The following XPO5 variants were observed in gnomAD, a reference collection of about 807,000 sequenced individuals.
The protein encoded by XPO5 is exportin-5.
XPO5 carries 46 observed loss-of-function variants against 160.6 expected under a neutral mutation model. That is an observed-to-expected ratio of 0.29 (90% CI 0.23 to 0.37). XPO5 has a LOEUF of 0.37. Among genes scored for constraint, XPO5 ranks in the 10% least tolerant of loss-of-function variants. XPO5 has a pLI of 1.00. For missense variants in XPO5, 1,090 were observed against 1,463.9 expected (o/e 0.74, Z 4.17); for synonymous variants, 537 against 519.3 (o/e 1.03, Z -0.46).
intron 20 of XPO5, among the ~76,000 whole-genome samples, chr6:43,535,808 CAT>C (rs1794279298): frequency 8.3e-6 from 1 of 120,068 alleles, no homozygotes; most frequent in Non-Finnish European, 1.6e-5. Flanking sequence ...AGCGAGACTC[CAT>C]CTCAAAAAAA....
intron 10 of XPO5, 34 bp downstream of exon 10, chr6:43,560,890 T>A (rs1369155604): frequency 6.4e-7 from 1 of 1,560,446 alleles, no homozygotes. Context: ...TTCACCTAAC[T>A]AAACTTTTGA....
At chr6:43,574,903 T>C (rs1040437400) in intron 1 of XPO5, among the ~76,000 whole-genome samples, 13 of 152,218 alleles carry the variant, frequency 8.5e-5, no homozygotes, top group African/African-American at 3.1e-4. Flanking sequence ...TTGTAACATT[T>C]CCTCCAAGTG....
Position 43,549,650 on chromosome 6 carries a change from A to AAT in XPO5, c.1771-74_1771-73dup. 5 of 1,522,474 alleles carry AAT rather than the reference A, an allele frequency of 3.3e-6. No homozygotes were observed. The South Asian group carries it at 4.9e-5, about 15-fold the overall frequency. The allele number at this position is 1,522,474 out of a possible 1,614,324, so 94.3% of individuals were successfully genotyped here. ...TACAGGTGCTGCATAGACTCATGTG[A>AAT]ATATCTCAGTCAGGGGCAAATTCAC... On this transcript the variant is annotated intron_variant, in intron 16 of 31. Transcript: ENST00000265351.
rs1368479331 is a variant in XPO5, at chr6:43,570,616, T to C, written c.507A>G (p.Thr169=). The C allele has an allele frequency of 1.2e-6, 2 of 1,613,810 alleles. No homozygotes were observed. The highest frequency in any genetic ancestry group is 1.3e-5 in the African/African-American group (1 of 74,928). ...TGTCCCTTCTTCTTTGAGGGGGAAG[T>C]GTCTGAAAAGTCACTACATCCTCTG... The part of the protein sequence containing the change: ...RLAEDVVTFQ[T]LPPQRRRDIQ... Residue 169 remains threonine, a synonymous_variant, in exon 5 of 32, where the codon ACA becomes ACG. Transcript: ENST00000265351.
chr6:43,526,525 G>A (rs1793601686), intron 27 of XPO5, 160 bp downstream of exon 27: 1 of 726,962 alleles, frequency 1.4e-6, no homozygotes, highest in Non-Finnish European at 2.4e-6. Flanking sequence ...TTGGAGGTGG[G>A]AGTATGATGG....
Position 43,522,627 on chromosome 6 carries a change from T to A in XPO5, c.*1241A>T. The A allele has an allele frequency of 2.5e-6, 1 of 407,548 alleles. No homozygotes were observed. Among genetic ancestry groups the A allele is most frequent in the Non-Finnish European group, 5.4e-6 (1 of 184,926 alleles). The allele number at this position is 407,548 out of a possible 1,614,324, so 25.2% of individuals were successfully genotyped here. ...GACTCCCAACTTCTGCTTCCCCAGC[T>A]TTGCTTCTTCTCAATCTGACCCTGC... is the stretch of plus-strand genomic sequence containing the variant. On this transcript the variant is annotated 3_prime_UTR_variant, in exon 32 of 32. Coordinates refer to ENST00000265351, the MANE Select transcript of XPO5 (RefSeq NM_020750.3).
chr6:43,574,744 TTTGA>T (rs549756859), intron 1 of XPO5, among the ~76,000 whole-genome samples: 89 of 152,312 alleles, frequency 5.8e-4, no homozygotes, highest in South Asian at 1.2e-3. Flanking sequence ...CGGTAAAATC[TTTGA>T]TTGCTGAATT....
At position 43,547,724 on chromosome 6, in the gene XPO5, G is replaced by GA; in HGVS notation, c.2061-18dup. 6.2e-7 allele frequency: 1 copy of GA among 1,608,542 alleles called. No homozygotes were observed. The highest frequency in any genetic ancestry group is 8.5e-7 in the Non-Finnish European group (1 of 1,175,132). On this transcript the variant is annotated splice_polypyrimidine_tract_variant and intron_variant, in intron 18 of 31. Transcript: ENST00000265351. ...GACAGCACTCTGAAGGTTGGAGGGG[G>GA]AAAAACAAGTTACATCATGACTTTA...
At chr6:43,571,991 C>T (rs986680594) in intron 3 of XPO5, among the ~76,000 whole-genome samples, 5 of 152,178 alleles carry the variant, frequency 3.3e-5, no homozygotes, top group Admixed American at 6.5e-5. Flanking sequence ...TCTGCCCTGT[C>T]TTTATAATTT....
chr6:43,527,796 A>T (rs1303351780), intron 25 of XPO5, 65 bp from the exon 26 acceptor site: 2 of 1,562,542 alleles, frequency 1.3e-6, no homozygotes, highest in East Asian at 2.2e-5. Flanking sequence ...GAAAGCAGCG[A>T]CCCTAATCAG....
At chr6:43,525,490 C>T (rs765033032) in intron 28 of XPO5, 85 of 502,640 alleles carry the variant, frequency 1.7e-4, no homozygotes, top group South Asian at 1.1e-3. Context: ...GAGTTTACTT[C>T]CTCTATTTTT....
At chr6:43,560,073 C>G in intron 11 of XPO5, 105 bp downstream of exon 11, 1 of 1,384,862 alleles carries the variant, frequency 7.2e-7, no homozygotes, top group Admixed American at 2.3e-5. Context: ...CCCGCCTCAG[C>G]CTTCCATAGA....
At chr6:43,572,870 G>T (rs1286785511) in intron 2 of XPO5, among the ~76,000 whole-genome samples, 1 of 152,196 alleles carries the variant, frequency 6.6e-6, no homozygotes, top group Admixed American at 6.5e-5. Flanking sequence ...GGCCAAAAGT[G>T]AATATACATC....
intron 13 of XPO5, 82 bp downstream of exon 13, chr6:43,555,754 G>GTA: frequency 6.4e-7 from 1 of 1,559,550 alleles, no homozygotes; most frequent in Non-Finnish European, 8.7e-7. Flanking sequence ...TCTGATGTGT[G>GTA]TATAGCTCAG....
chr6:43,573,516 CT>C lies in XPO5; in HGVS notation c.190del (p.Arg64AspfsTer27). ...LAEKTQVAIV[R>X]HFGLQILEHV... ...TTCCAGGATCTGAAGGCCAAAATGTCTGACGATGGCAACTTGTGTTTTCTCA... is the reference window on the plus strand; with the variant it reads ...TTCCAGGATCTGAAGGCCAAAATGTCGACGATGGCAACTTGTGTTTTCTCA... On this transcript the variant is annotated frameshift_variant, in exon 2 of 32. Transcript: ENST00000265351. LOFTEE classifies it high-confidence loss of function. The C allele has an allele frequency of 6.2e-7, 1 of 1,613,782 alleles. No individual in the cohort carries two copies. The highest frequency in any genetic ancestry group is 8.5e-7 in the Non-Finnish European group (1 of 1,179,742).
chr6:43,553,396 T>A lies in XPO5; in HGVS notation c.1549A>T (p.Met517Leu), dbSNP rs896161230. 2.5e-6 allele frequency: 4 copies of A among 1,608,530 alleles called. No individual in the cohort carries two copies. Among genetic ancestry groups the A allele is most frequent in the Non-Finnish European group, 3.4e-6 (4 of 1,177,418 alleles). The change falls in exon 14 of 32, where the codon ATG becomes TTG. Residue 517 changes from methionine (M) to leucine (L), a missense_variant. By Grantham distance (15) the Met-to-Leu change is conservative. This residue lies in a region of XPO5 where 810 missense variants were observed against 1,139.0 expected (regional missense o/e 0.71). Transcript: ENST00000265351. Reference sequence around the variant, plus strand: ...ACTTCTCTATTTAGTGTTCGAAACATCTGGGTGATAACACTTTCCAAAAAA... The same window carrying A: ...ACTTCTCTATTTAGTGTTCGAAACAACTGGGTGATAACACTTTCCAAAAAA... ...TLFLESVITQ[M>L]FRTLNREEIP...
At chr6:43,551,478 T>G in intron 14 of XPO5, 25 bp from the exon 15 acceptor site, 1 of 1,604,518 alleles carries the variant, frequency 6.2e-7, no homozygotes, top group Non-Finnish European at 8.5e-7. Context: ...TAAAACAGGT[T>G]GACAATGGCT....
intron 11 of XPO5, among the ~76,000 whole-genome samples, chr6:43,559,521 T>G (rs1218507111): frequency 6.6e-6 from 1 of 152,222 alleles, no homozygotes; most frequent in South Asian, 2.1e-4. Context: ...TAACTCTCAC[T>G]TGGCCTCCAG....
At chr6:43,553,573 G>A (rs935226083) in intron 13 of XPO5, 70 bp from the exon 14 acceptor site, 131 of 1,508,128 alleles carry the variant, frequency 8.7e-5, no homozygotes, top group Non-Finnish European at 1.2e-4. Context: ...AAAGATCGCA[G>A]AAGACACAGA....
Sources: allele counts gnomAD v4.1 joint callset (sites outside exome capture counted in the v4.1 genomes callset), GRCh38; gene constraint gnomAD v4.1.1; regional missense constraint gnomAD v4.1.1; transcripts MANE v1.5; gene names NCBI Gene and HGNC (gene_info 2026-07-23, HGNC 2026-07-21).